Variants in TMT1A observed in about 807,000 individuals in gnomAD.
TMT1A encodes thiol S-methyltransferase TMT1A.
chr12:50,927,731 T>C, the TMT1A span, among the ~76,000 whole-genome samples: 1 of 152,206 alleles, frequency 6.6e-6, no homozygotes, highest in African/African-American at 2.4e-5. Context: ...AAAGTACATA[T>C]CTTCATGTTA....
At chr12:50,931,652 A>C in the TMT1A span, 1 of 147,234 alleles carries the variant, frequency 6.8e-6, no homozygotes, top group African/African-American at 2.5e-5. Context: ...CGAAGGTTGC[A>C]GTGAACCGAG....
At chr12:50,930,296 GAAGA>G in the TMT1A span, 1 of 633,402 alleles carries the variant, frequency 1.6e-6, no homozygotes, top group Non-Finnish European at 2.6e-6. Context: ...TTTTTGGCGG[GAAGA>G]AAGAGTTTTG....
the TMT1A span, chr12:50,925,472 T>C: frequency 1.2e-6 from 2 of 1,614,202 alleles, no homozygotes; most frequent in Non-Finnish European, 1.7e-6. Flanking sequence ...GTCTGCACCC[T>C]GGTGCTGTGC....
chr12:50,931,567 C>G, the TMT1A span: 2 of 150,914 alleles, frequency 1.3e-5, no homozygotes, highest in African/African-American at 4.9e-5. Flanking sequence ...AAAAATTAGC[C>G]AGGCGTGGTG....
the TMT1A span, chr12:50,930,599 T>C: frequency 1.2e-3 from 176 of 144,644 alleles, no homozygotes; most frequent in Non-Finnish European, 2.3e-3. Context: ...TGTTTTGTTT[T>C]GAGACGGAGT....
At chr12:50,927,630 T>A in the TMT1A span, among the ~76,000 whole-genome samples, 3 of 152,194 alleles carry the variant, frequency 2.0e-5, no homozygotes, top group Non-Finnish European at 4.4e-5. Flanking sequence ...TTCGTGATAG[T>A]CTTCCTTAGC....
At chr12:50,928,877 GA>G in the TMT1A span, among the ~76,000 whole-genome samples, 1 of 152,042 alleles carries the variant, frequency 6.6e-6, no homozygotes, top group Non-Finnish European at 1.5e-5. Flanking sequence ...ATGTAAACCA[GA>G]GGGCAACACT....
the TMT1A span, chr12:50,931,434 G>A: frequency 2.0e-5 from 3 of 151,860 alleles, no homozygotes; most frequent in South Asian, 4.2e-4. Context: ...AGGGGGCTGG[G>A]CGTGGTGGCT....
chr12:50,925,557 A>G, the TMT1A span: 1 of 1,605,168 alleles, frequency 6.2e-7, no homozygotes, highest in Admixed American at 1.7e-5. Context: ...GGGTGTGAGG[A>G]GGACTAGTTA....
the TMT1A span, chr12:50,930,312 T>A: frequency 1.7e-6 from 1 of 591,924 alleles, no homozygotes. Flanking sequence ...AGAGTTTTGC[T>A]CTTGTTGCCC....
the TMT1A span, among the ~76,000 whole-genome samples, chr12:50,925,930 C>T: frequency 1.4e-4 from 19 of 139,848 alleles, 1 homozygote; most frequent in South Asian, 4.1e-3. Context: ...GCAGGAGAAT[C>T]GCTTGAACCT....
chr12:50,930,966 G>T, the TMT1A span: 1 of 151,830 alleles, frequency 6.6e-6, no homozygotes, highest in African/African-American at 2.4e-5. Context: ...GTCTCCCAAA[G>T]AATTCACATC....
At chr12:50,930,149 A>G in the TMT1A span, 48 of 1,597,034 alleles carry the variant, frequency 3.0e-5, no homozygotes, top group South Asian at 4.3e-4. Context: ...GCTGTGAAAT[A>G]GTGTGAGCTG....
the TMT1A span, among the ~76,000 whole-genome samples, chr12:50,926,054 A>G: frequency 5.4e-5 from 8 of 149,320 alleles, no homozygotes; most frequent in African/African-American, 7.5e-5. Flanking sequence ...GAAAGAAAAA[A>G]AAGAATAAGA....
At chr12:50,925,110 T>C in the TMT1A span, 4 of 1,614,218 alleles carry the variant, frequency 2.5e-6, no homozygotes, top group Non-Finnish European at 2.5e-6. Flanking sequence ...TGCTGAACTT[T>C]CTGGGCTTGT....
chr12:50,931,021 T>G, the TMT1A span: 1 of 152,154 alleles, frequency 6.6e-6, no homozygotes, highest in Non-Finnish European at 1.5e-5. Flanking sequence ...ACAGTCGACT[T>G]TCATAATTAG....
At chr12:50,925,231 T>A in the TMT1A span, 4 of 1,613,850 alleles carry the variant, frequency 2.5e-6, no homozygotes, top group Non-Finnish European at 3.4e-6. Flanking sequence ...CCTGCAGGAG[T>A]TTGCGGGCCC....
At chr12:50,925,657 A>T in the TMT1A span, 1 of 1,207,014 alleles carries the variant, frequency 8.3e-7, no homozygotes, top group Non-Finnish European at 1.1e-6. Context: ...AAAATACTGT[A>T]GAATTTTTTA....
the TMT1A span, among the ~76,000 whole-genome samples, chr12:50,928,118 C>T: frequency 6.6e-6 from 1 of 152,330 alleles, no homozygotes; most frequent in South Asian, 2.1e-4. Flanking sequence ...AGCCACCGCG[C>T]CCAGCCAAAT....
Sources: gnomAD v4.1 joint callset for allele counts (sites outside exome capture counted in the v4.1 genomes callset) on GRCh38, gnomAD v4.1.1 for gene constraint, MANE v1.5 for transcripts, NCBI Gene and HGNC (gene_info 2026-07-23, HGNC 2026-07-21) for gene names.